The following PLEKHG7 variants were observed in gnomAD, a reference collection of about 807,000 sequenced individuals.
PLEKHG7 encodes the protein pleckstrin homology and RhoGEF domain containing G7.
PLEKHG7 carries 77 observed loss-of-function variants against 85.2 expected under a neutral mutation model. The observed-to-expected ratio is 0.90, with a 90% CI of 0.75 to 1.09. The LOEUF (loss-of-function observed/expected upper bound fraction) is 1.09, where lower values mean the gene tolerates loss of function less well. Ranked by LOEUF, PLEKHG7 falls within the 50% of genes least tolerant of loss-of-function variation. The pLI, the probability that PLEKHG7 is intolerant of heterozygous loss-of-function variation, is 0.00. For synonymous variants in PLEKHG7, 301 were observed against 302.4 expected, an observed-to-expected ratio of 1.00 and a Z score of 0.05; for missense variants, 777 against 804.3, an observed-to-expected ratio of 0.97 and a Z score of 0.41.
Position 92,706,843 on chromosome 12 carries a change from G to A in PLEKHG7, c.212G>A (p.Trp71Ter). The A allele has an allele frequency of 6.2e-7, 1 of 1,613,884 alleles. No homozygotes were observed. The highest frequency in any genetic ancestry group is 8.5e-7 in the Non-Finnish European group (1 of 1,179,998). ...CAGGATGCCTGGCAGGTGACCACCT[G>A]GGGAAGCTGGGGAGCTCCTGTGGGC... is the stretch of plus-strand genomic sequence containing the variant. The part of the protein sequence containing the change: ...TRQDAWQVTT[W>*]GSWGAPVGFP... The change falls in exon 2 of 17, where the codon TGG becomes TAG. Residue 71 changes from tryptophan (W) to a stop codon, truncating the protein, a stop_gained. Coordinates refer to ENST00000344636, the MANE Select transcript of PLEKHG7 (RefSeq NM_001377329.1). LOFTEE classifies it high-confidence loss of function.
At chr12:92,763,714 G>A (rs1290850870) in intron 14 of PLEKHG7, among the ~76,000 whole-genome samples, 1 of 152,100 alleles carries the variant, frequency 6.6e-6, no homozygotes, top group Non-Finnish European at 1.5e-5. Context: ...TACTTGAGAG[G>A]CTGAGATGAT....
intron 11 of PLEKHG7, among the ~76,000 whole-genome samples, chr12:92,755,606 A>G (rs984345804): frequency 2.6e-5 from 4 of 152,232 alleles, no homozygotes; most frequent in Admixed American, 6.5e-5. Flanking sequence ...CTACTGAATT[A>G]AATTAGCTAA....
intron 7 of PLEKHG7, among the ~76,000 whole-genome samples, chr12:92,738,737 A>G (rs926040106): frequency 6.6e-6 from 1 of 152,222 alleles, no homozygotes. Context: ...ATCCCTGGCT[A>G]TCTCATAAGA....
At chr12:92,754,355 C>T in intron 11 of PLEKHG7, 91 bp downstream of exon 11, 4 of 1,279,990 alleles carry the variant, frequency 3.1e-6, no homozygotes, top group Non-Finnish European at 4.4e-6. Flanking sequence ...GAGGTAATTC[C>T]ACTGATTTGA....
intron 7 of PLEKHG7, among the ~76,000 whole-genome samples, 174 bp downstream of exon 7, chr12:92,737,695 AAG>A (rs752076871): frequency 4.0e-5 from 5 of 125,118 alleles, no homozygotes; most frequent in Admixed American, 1.7e-4. Flanking sequence ...AGAAAAGAAA[AAG>A]AGAGAAAGAG....
chr12:92,724,606 T>A (rs750134719), intron 3 of PLEKHG7, among the ~76,000 whole-genome samples: 2 of 152,234 alleles, frequency 1.3e-5, no homozygotes, highest in Non-Finnish European at 2.9e-5. Flanking sequence ...CCCAGGCACC[T>A]GTTTTTCTAT....
chr12:92,740,125 T>TA (rs1391505561), intron 7 of PLEKHG7, among the ~76,000 whole-genome samples: 8 of 152,244 alleles, frequency 5.3e-5, no homozygotes, highest in Non-Finnish European at 8.8e-5. Context: ...CCCAGTCTTT[T>TA]AACCCCTAAA....
In PLEKHG7 at chr12:92,715,716, C is replaced by CAAAAA. The variant is rs11331072; in HGVS notation, c.530+8062_530+8066dup. Reference sequence around the variant, plus strand: ...TATCTAAGAGCAAGGGTTCTTGCCTCAAAAAAAAAAAAAAAAAAAAAAGGC... The same window carrying CAAAAA: ...TATCTAAGAGCAAGGGTTCTTGCCTCAAAAAAAAAAAAAAAAAAAAAAAAAAAGGC... On this transcript the variant is annotated intron_variant, in intron 3 of 16. Coordinates refer to ENST00000344636, the MANE Select transcript of PLEKHG7 (RefSeq NM_001377329.1). Among the ~76,000 whole-genome samples the CAAAAA allele has an allele frequency of 8.6e-3, 752 of 87,406 alleles. 14 individuals carry two copies. The highest frequency in any genetic ancestry group is 0.034 in the African/African-American group (721 of 21,482). 57.3% of individuals were successfully genotyped at this position (87,406 alleles called of 152,430 possible).
In PLEKHG7 at chr12:92,706,970, A is replaced by G; in HGVS notation, c.339A>G (p.Glu113=). The G allele has an allele frequency of 6.2e-7, 1 of 1,614,074 alleles. No homozygotes were observed. The highest frequency in any genetic ancestry group is 8.5e-7 in the Non-Finnish European group (1 of 1,180,008). Residue 113 remains glutamate, a synonymous_variant, in exon 2 of 17, where the codon GAA becomes GAG. Transcript: ENST00000344636. ...RLHSRLTSEP[E]RALNAADSLE... is the part of the protein sequence containing the mutation. ...ACTCAAGATTGACCTCTGAACCTGA[A>G]AGGGCCCTGAATGCAGCTGACTCAC...
rs1374277099 is a variant in PLEKHG7 at position 92,706,972 on chromosome 12, G to C, written c.341G>C (p.Arg114Thr). The C allele has an allele frequency of 6.2e-7, 1 of 1,614,168 alleles. No homozygotes were observed. Among genetic ancestry groups the C allele is most frequent in the Non-Finnish European group, 8.5e-7 (1 of 1,180,026 alleles). The change falls in exon 2 of 17, where the codon AGG becomes ACG. Residue 114 changes from arginine to threonine, a missense_variant. This residue lies in a region of PLEKHG7 where 252 missense variants were observed against 241.9 expected (regional missense o/e 1.04). Transcript: ENST00000344636. Reference protein sequence around the residue: ...LHSRLTSEPERALNAADSLEP... With the variant: ...LHSRLTSEPETALNAADSLEP... ...TCAAGATTGACCTCTGAACCTGAAA[G>C]GGCCCTGAATGCAGCTGACTCACTG...
chr12:92,705,094 G>A (rs920555967), intron 1 of PLEKHG7, among the ~76,000 whole-genome samples: 1 of 152,250 alleles, frequency 6.6e-6, no homozygotes, highest in African/African-American at 2.4e-5. Flanking sequence ...AGAGGAGAGA[G>A]TGGTTGCCAT....
rs773497184 is a variant in PLEKHG7 at position 92,756,343 on chromosome 12, T to C, written c.1588T>C (p.Ser530Pro). ...FKEHMAENIL[S>P]PTSRHLLYEG... ...AGAACACATGGCAGAAAACATCTTG[T>C]CACCAACCAGCAGACACCTTCTCTA... Residue 530 changes from serine to proline, a missense_variant, in exon 13 of 17, where the codon TCA (serine) becomes CCA (proline). Transcript: ENST00000344636. 94 of 1,613,306 alleles carry C rather than the reference T, an allele frequency of 5.8e-5. No homozygotes were observed. Among genetic ancestry groups the C allele is most frequent in the Non-Finnish European group, 7.7e-5 (91 of 1,179,354 alleles).
chr12:92,758,227 T>C (rs540618685), intron 13 of PLEKHG7, among the ~76,000 whole-genome samples: 4 of 152,284 alleles, frequency 2.6e-5, no homozygotes, highest in Non-Finnish European at 5.9e-5. Context: ...TCTTCCTACC[T>C]ACCTCCCAAT....
intron 13 of PLEKHG7, 107 bp from the exon 14 acceptor site, chr12:92,761,638 GAAAGAAA>G: frequency 1.3e-5 from 7 of 519,452 alleles, no homozygotes; most frequent in Middle Eastern, 4.5e-4. Flanking sequence ...AAGAAAGAAA[GAAAGAAA>G]GAAAGAAAGA....
chr12:92,730,767 A>G (rs754343131), intron 4 of PLEKHG7, among the ~76,000 whole-genome samples: 8 of 152,222 alleles, frequency 5.3e-5, no homozygotes, highest in Non-Finnish European at 1.2e-4. Context: ...TGCCGGCTAC[A>G]GTTTGAGAAC....
intron 9 of PLEKHG7, among the ~76,000 whole-genome samples, chr12:92,742,706 C>T (rs1298726130): frequency 1.3e-5 from 2 of 151,892 alleles, no homozygotes; most frequent in East Asian, 1.9e-4. Flanking sequence ...ATGCCTCAGC[C>T]TCCCAAGTAG....
At chr12:92,770,016 C>A in intron 16 of PLEKHG7, 72 bp from the exon 17 acceptor site, 1 of 994,278 alleles carries the variant, frequency 1.0e-6, no homozygotes, top group Non-Finnish European at 1.5e-6. Context: ...AAAATATTAG[C>A]CCAAATATGT....
intron 3 of PLEKHG7, among the ~76,000 whole-genome samples, chr12:92,719,014 C>T (rs1165365149): frequency 1.3e-5 from 2 of 152,134 alleles, no homozygotes; most frequent in East Asian, 3.8e-4. Flanking sequence ...ATCATAGTAC[C>T]GGATTCCAGG....
rs530157865 is a variant in PLEKHG7 at position 92,742,932 on chromosome 12, A to T, written c.1137+1340A>T. The stretch of plus-strand genomic sequence containing the variant: ...AAACATGTAAGTATACTTAGAGGCC[A>T]CTAAAGAATGGGGTATTATTAGGCT... On this transcript the variant is annotated intron_variant, in intron 9 of 16. Coordinates refer to ENST00000344636, the MANE Select transcript of PLEKHG7 (RefSeq NM_001377329.1). Among the ~76,000 whole-genome samples, 11 of 152,324 alleles carry T rather than the reference A, an allele frequency of 7.2e-5. No homozygotes were observed. The East Asian group carries it at 1.7e-3, about 24-fold the overall frequency.
Sources: allele counts gnomAD v4.1 joint callset (sites outside exome capture counted in the v4.1 genomes callset), GRCh38; gene constraint gnomAD v4.1.1; regional missense constraint gnomAD v4.1.1; transcripts MANE v1.5; gene names NCBI Gene and HGNC (gene_info 2026-07-23, HGNC 2026-07-21).